The following PANK4 variants were observed in gnomAD, a reference collection of about 807,000 sequenced individuals.
PANK4 encodes 4'-phosphopantetheine phosphatase.
A neutral mutation model predicts 87.9 loss-of-function variants in PANK4; 40 were observed. The observed-to-expected ratio is 0.46, with a 90% CI of 0.35 to 0.59. The LOEUF is 0.59. PANK4 is among the 20% of genes least tolerant of loss of function. The pLI, the probability that PANK4 is intolerant of heterozygous loss-of-function variation, is 0.00. For missense variants in PANK4, 926 were observed against 1,072.3 expected, an observed-to-expected ratio of 0.86 and a Z score of 1.90; for synonymous variants, 524 against 467.4, an observed-to-expected ratio of 1.12 and a Z score of -1.56.
At chr1:2,514,864 C>G (rs1223406633) in intron 10 of PANK4, among the ~76,000 whole-genome samples, 1 of 152,092 alleles carries the variant, frequency 6.6e-6, no homozygotes, top group African/African-American at 2.4e-5. Flanking sequence ...TGACCTTGGT[C>G]CCTCACCCCC....
chr1:2,514,249 C>G, intron 11 of PANK4, 105 bp downstream of exon 11: 2 of 1,141,878 alleles, frequency 1.8e-6, no homozygotes, highest in South Asian at 2.5e-5. Flanking sequence ...CACACCCACC[C>G]CCAGCGAGCT....
intron 8 of PANK4, 75 bp from the exon 9 acceptor site, chr1:2,518,339 G>A (rs558272540): frequency 1.1e-4 from 117 of 1,113,892 alleles, no homozygotes; most frequent in East Asian, 1.4e-4. Context: ...AGGAGGAAAG[G>A]GTATAAAATC....
intron 1 of PANK4, among the ~76,000 whole-genome samples, chr1:2,522,951 G>T (rs1643890002): frequency 1.6e-5 from 2 of 126,202 alleles, no homozygotes; most frequent in African/African-American, 5.9e-5. Context: ...GGGACCGTGT[G>T]GTGTTATAGT....
intron 11 of PANK4, 123 bp from the exon 12 acceptor site, chr1:2,514,212 G>A (rs1643716454): frequency 8.9e-7 from 1 of 1,123,738 alleles, no homozygotes; most frequent in South Asian, 1.3e-5. Context: ...TTGAGGCGGG[G>A]TCCAAGGGGG....
rs199728795 is a variant in PANK4, at chr1:2,510,018, C to A, written c.2039+39G>T. The A allele has an allele frequency of 6.9e-4, 1,084 of 1,573,598 alleles. 6 individuals are homozygous for A. The highest frequency in any genetic ancestry group is 3.4e-4 in the Non-Finnish European group (393 of 1,151,036). Reference sequence around the variant, plus strand: ...CCACTCTGCCCAGCTGGTGCCCCTCCCCATCAAGGCCCCCCCAGCACTGCC... The same window carrying A: ...CCACTCTGCCCAGCTGGTGCCCCTCACCATCAAGGCCCCCCCAGCACTGCC... On this transcript the variant is annotated intron_variant, in intron 17 of 18. Transcript: ENST00000378466. This position sits in a 1 kb window ranked among gnomAD's most constrained non-coding sequence, Gnocchi z 4.9.
chr1:2,518,022 C>G (rs1228757679), intron 9 of PANK4, 142 bp downstream of exon 9: 1 of 555,260 alleles, frequency 1.8e-6, no homozygotes, highest in Non-Finnish European at 3.2e-6. Flanking sequence ...TAGTTATACC[C>G]CAGGTCCATG....
rs1643629166 is a variant in PANK4 at position 2,509,842 on chromosome 1, G to A, written c.2108+20C>T. 2.5e-6 allele frequency: 4 copies of A among 1,605,996 alleles called. No homozygotes were observed. Among genetic ancestry groups the A allele is most frequent in the Non-Finnish European group, 3.4e-6 (4 of 1,175,498 alleles). ...CACAGAGCCCAGGAGGGAGAGAACA[G>A]GTGCAGGGTGCGGGGTTACCTGAGG... On this transcript the variant is annotated intron_variant, in intron 18 of 18. Coordinates refer to ENST00000378466, the MANE Select transcript of PANK4 (RefSeq NM_018216.4). This position sits in a 1 kb window ranked among gnomAD's most constrained non-coding sequence, Gnocchi z 4.9.
At chr1:2,512,757 A>G in intron 13 of PANK4, 131 bp downstream of exon 13, 1 of 881,132 alleles carries the variant, frequency 1.1e-6, no homozygotes, top group Non-Finnish European at 1.8e-6. Context: ...TGGGCCCCAA[A>G]GCCCTGAGCC....
chr1:2,523,291 C>T (rs1278433806), intron 1 of PANK4, among the ~76,000 whole-genome samples: 2 of 152,152 alleles, frequency 1.3e-5, no homozygotes, highest in Non-Finnish European at 1.5e-5. Flanking sequence ...CTGGTGGACG[C>T]GTCACAGGCT....
chr1:2,521,794 G>A lies in PANK4; in HGVS notation c.131C>T (p.Ser44Leu). ...AKRFAIDIGG[S>L]LTKLAYYSTV... The stretch of plus-strand genomic sequence containing the variant: ...TGAATAGTAGGCCAGCTTGGTTAAC[G>A]ACCCGCCTGCAGGGGAGACACAAAC... Residue 44 changes from serine to leucine, a missense_variant, in exon 2 of 19, where the codon TCG (serine) becomes TTG (leucine). Physicochemically the swap from Ser to Leu is moderately radical, Grantham distance 145 (BLOSUM62 -2). Coordinates refer to ENST00000378466, the MANE Select transcript of PANK4 (RefSeq NM_018216.4). 1 of 1,613,728 alleles carries A rather than the reference G, an allele frequency of 6.2e-7. No homozygotes were observed. The highest frequency in any genetic ancestry group is 1.1e-5 in the South Asian group (1 of 91,066).
At position 2,520,218 on chromosome 1, in the gene PANK4, G is replaced by A; in HGVS notation, c.699+104C>T. 1 of 1,082,926 alleles carries A rather than the reference G, an allele frequency of 9.2e-7. No individual in the cohort carries two copies. The highest frequency in any genetic ancestry group is 1.4e-6 in the Non-Finnish European group (1 of 712,220). 67.1% of individuals were successfully genotyped at this position (1,082,926 alleles called of 1,614,324 possible). On this transcript the variant is annotated intron_variant, in intron 5 of 18. Transcript: ENST00000378466. The surrounding 1 kb of genome is among the most constrained non-coding windows in gnomAD (Gnocchi z 6.2). ...GAGACCCACTGACGCGAGTCAGGAG[G>A]GAGGCCCGGAAGCAGCTTTTGCACC...
At chr1:2,518,663 G>A in intron 7 of PANK4, 66 bp from the exon 8 acceptor site, 1 of 1,334,790 alleles carries the variant, frequency 7.5e-7, no homozygotes, top group South Asian at 1.3e-5. Flanking sequence ...CCGCAAACCA[G>A]CTCAACGTGC....
At position 2,520,024 on chromosome 1, in the gene PANK4, A is replaced by T; in HGVS notation, c.700-70T>A. The T allele has an allele frequency of 7.0e-7, 1 of 1,433,192 alleles. No homozygotes were observed. The highest frequency in any genetic ancestry group is 2.5e-5 in the East Asian group (1 of 40,054). 88.8% of individuals were successfully genotyped at this position (1,433,192 alleles called of 1,614,324 possible). On this transcript the variant is annotated intron_variant, in intron 5 of 18. Coordinates refer to ENST00000378466, the MANE Select transcript of PANK4 (RefSeq NM_018216.4). This position sits in a 1 kb window ranked among gnomAD's most constrained non-coding sequence, Gnocchi z 6.2. ...GGAATCCCCACGACCCCAGAAACCA[A>T]GCCCATGGCAGGAGGCACGCGCGGG...
intron 14 of PANK4, 83 bp from the exon 15 acceptor site, chr1:2,511,470 C>A: frequency 1.6e-6 from 2 of 1,221,828 alleles, no homozygotes; most frequent in Non-Finnish European, 2.4e-6. Context: ...GTTCGTCTCT[C>A]CAGGAAGCAA....
rs949630047 is a variant in PANK4 at position 2,510,620 on chromosome 1, C to G, written c.1938+58G>C. 5.0e-5 allele frequency: 53 copies of G among 1,051,812 alleles called. No individual in the cohort carries two copies. The highest frequency in any genetic ancestry group is 2.1e-4 in the Middle Eastern group (1 of 4,744). The allele number at this position is 1,051,812 out of a possible 1,614,324, so 65.2% of individuals were successfully genotyped here. A position where few individuals can be genotyped will look rare whatever the true frequency, so the allele number is the denominator to read the frequency against. On this transcript the variant is annotated intron_variant, in intron 16 of 18. Coordinates refer to ENST00000378466, the MANE Select transcript of PANK4 (RefSeq NM_018216.4). The surrounding 1 kb of genome is among the most constrained non-coding windows in gnomAD (Gnocchi z 4.9). ...CGCCAGAGGCCCACAGCGGCGCCAA[C>G]CCCACCGAGAGCAGAGAAGCCCAGG...
rs201765086 is a variant in PANK4, at chr1:2,521,151, C to T, written c.372G>A (p.Gly124=). ...GGTCTTTGAACTTGTAGGCCCCGCC[C>T]CCGGTCGCCTGGATGACCTTGGTCT... ...NTETKVIQAT[G]GGAYKFKDLI... The change falls in exon 3 of 19, where the codon GGG becomes GGA. Residue 124 remains glycine, a synonymous_variant. Coordinates refer to ENST00000378466, the MANE Select transcript of PANK4 (RefSeq NM_018216.4). 1.2e-6 allele frequency: 2 copies of T among 1,613,990 alleles called. No homozygotes were observed. Among genetic ancestry groups the T allele is most frequent in the Non-Finnish European group, 8.5e-7 (1 of 1,180,016 alleles).
At position 2,510,567 on chromosome 1, in the gene PANK4, C is replaced by G; in HGVS notation, c.1938+111G>C. 2.8e-6 allele frequency: 2 copies of G among 708,108 alleles called. No homozygotes were observed. The highest frequency in any genetic ancestry group is 5.0e-6 in the Non-Finnish European group (2 of 398,510). The allele number at this position is 708,108 out of a possible 1,614,324, so 43.9% of individuals were successfully genotyped here. Reference sequence around the variant, plus strand: ...CCCCCGTGCTGCTGCCTGCACCTACCTGCTGCGTCCGGAGGAGCCCCGACC... The same window carrying G: ...CCCCCGTGCTGCTGCCTGCACCTACGTGCTGCGTCCGGAGGAGCCCCGACC... On this transcript the variant is annotated intron_variant, in intron 16 of 18. Transcript: ENST00000378466. This position sits in a 1 kb window ranked among gnomAD's most constrained non-coding sequence, Gnocchi z 4.9.
chr1:2,518,151 G>C lies in PANK4; in HGVS notation c.1218+13C>G, dbSNP rs1205470577. The C allele has an allele frequency of 6.4e-7, 1 of 1,568,948 alleles. No homozygotes were observed. The highest frequency in any genetic ancestry group is 1.4e-5 in the African/African-American group (1 of 73,982). On this transcript the variant is annotated intron_variant, in intron 9 of 18. Transcript: ENST00000378466. ...TCCCCTGGGGCCCGGGGCGGCCAGA[G>C]CCCACTACTCACAGTGCCACTCCGC...
chr1:2,511,621 TCCG>T lies in PANK4; in HGVS notation c.1783+4_1783+6del. 1 of 1,598,248 alleles carries T rather than the reference TCCG, an allele frequency of 6.3e-7. No individual in the cohort carries two copies. The highest frequency in any genetic ancestry group is 8.6e-7 in the Non-Finnish European group (1 of 1,165,878). ...GGCAAGGCCCCAAGTTACTTGGCCA[TCCG>T]TACCTTGTAACTTCCTCTTTGCTTC... On this transcript the variant is annotated splice_donor_5th_base_variant and intron_variant, in intron 14 of 18. Transcript: ENST00000378466.
Sources: gnomAD v4.1 joint callset for allele counts (sites outside exome capture counted in the v4.1 genomes callset) on GRCh38, gnomAD v4.1.1 for gene constraint, Gnocchi (gnomAD v3.1) non-coding constraint, MANE v1.5 for transcripts, NCBI Gene and HGNC (gene_info 2026-07-23, HGNC 2026-07-21) for gene names.